Variants in THSD4 observed in about 807,000 individuals in gnomAD.
The protein encoded by THSD4 is thrombospondin type-1 domain-containing protein 4.
In THSD4, 69 loss-of-function variants were observed where a neutral mutation model predicts 119.0. The ratio of observed to expected loss-of-function variants is 0.58; its 90% CI spans 0.48 to 0.71. The LOEUF (loss-of-function observed/expected upper bound fraction) is 0.71. Among genes scored for constraint, THSD4 ranks in the 30% least tolerant of loss-of-function variants. The pLI, the probability that THSD4 is intolerant of heterozygous loss-of-function variation, is 0.00. For synonymous variants in THSD4, 524 were observed against 540.4 expected, an observed-to-expected ratio of 0.97 and a Z score of 0.42; for missense variants, 1,393 against 1,391.1, an observed-to-expected ratio of 1.00 and a Z score of -0.02.
At chr15:71,751,398 A>G (rs2053446328) in intron 14 of THSD4, among the ~76,000 whole-genome samples, 1 of 152,180 alleles carries the variant, frequency 6.6e-6, no homozygotes, top group Non-Finnish European at 1.5e-5. Flanking sequence ...CTTCACCAAA[A>G]GAAAATTTGA....
intron 8 of THSD4, among the ~76,000 whole-genome samples, chr15:71,675,363 T>G (rs1223796946): frequency 6.6e-6 from 1 of 152,244 alleles, no homozygotes; most frequent in Non-Finnish European, 1.5e-5. Context: ...TATTTTACTG[T>G]AGTTTATCTG....
chr15:71,509,704 A>G (rs1378335400), intron 7 of THSD4, among the ~76,000 whole-genome samples: 2 of 152,200 alleles, frequency 1.3e-5, no homozygotes, highest in Admixed American at 1.3e-4. Context: ...ACCATTTGAT[A>G]TGAAATTAAT....
At chr15:71,463,047 G>A (rs895827014) in intron 7 of THSD4, among the ~76,000 whole-genome samples, 3 of 152,224 alleles carry the variant, frequency 2.0e-5, no homozygotes, top group African/African-American at 7.2e-5. Flanking sequence ...TATCAGTTTT[G>A]TTGAAGGGAA....
intron 7 of THSD4, among the ~76,000 whole-genome samples, chr15:71,541,529 A>G (rs2048759646): frequency 6.6e-6 from 1 of 152,248 alleles, no homozygotes; most frequent in African/African-American, 2.4e-5. Flanking sequence ...ATAAACATGC[A>G]TATGCAAATA....
chr15:71,767,630 A>G (rs2053736761), intron 16 of THSD4: 1 of 152,232 alleles, frequency 6.6e-6, no homozygotes, highest in African/African-American at 2.4e-5. Context: ...TAAGTCCGCA[A>G]TAAAAAGCCT....
chr15:71,171,122 A>C (rs2043357532), intron 3 of THSD4, among the ~76,000 whole-genome samples: 1 of 152,186 alleles, frequency 6.6e-6, no homozygotes, highest in African/African-American at 2.4e-5. Flanking sequence ...GACAGAAAAA[A>C]TATTTGAAGA....
intron 6 of THSD4, among the ~76,000 whole-genome samples, chr15:71,401,362 T>G (rs575119057): frequency 1.3e-5 from 2 of 152,316 alleles, no homozygotes; most frequent in East Asian, 3.9e-4. Context: ...GAATTGTTAG[T>G]GTTATTTTCT....
At chr15:71,277,752 C>T (rs1473603861) in intron 6 of THSD4, among the ~76,000 whole-genome samples, 1 of 152,156 alleles carries the variant, frequency 6.6e-6, no homozygotes, top group African/African-American at 2.4e-5. Context: ...TATTCTGTGA[C>T]TGTCACTGCT....
chr15:71,521,471 T>G (rs879548892), intron 7 of THSD4, among the ~76,000 whole-genome samples: 1 of 152,202 alleles, frequency 6.6e-6, no homozygotes, highest in Non-Finnish European at 1.5e-5. Context: ...AAAACATGGG[T>G]GGATGATCGG....
At chr15:71,482,483 T>G (rs1334296693) in intron 7 of THSD4, among the ~76,000 whole-genome samples, 3 of 151,686 alleles carry the variant, frequency 2.0e-5, no homozygotes, top group African/African-American at 7.3e-5. Context: ...GTAGAGATGG[T>G]GTTTCACTGT....
At chr15:71,704,090 C>T (rs1002552759) in intron 8 of THSD4, among the ~76,000 whole-genome samples, 8 of 152,114 alleles carry the variant, frequency 5.3e-5, no homozygotes, top group African/African-American at 9.7e-5. Context: ...CCTCGTGATC[C>T]GCCCACCTTG....
At chr15:71,235,931 A>G (rs1467672238) in intron 4 of THSD4, among the ~76,000 whole-genome samples, 1 of 152,092 alleles carries the variant, frequency 6.6e-6, no homozygotes, top group Non-Finnish European at 1.5e-5. Flanking sequence ...CAGGACCTTC[A>G]AGGTTAAGCA....
At chr15:71,255,096 T>C (rs1482691055) in intron 5 of THSD4, among the ~76,000 whole-genome samples, 3 of 152,190 alleles carry the variant, frequency 2.0e-5, no homozygotes, top group African/African-American at 4.8e-5. Flanking sequence ...ATATTTCTGA[T>C]ACATACAGTA....
At chr15:71,423,046 T>C (rs1052119296) in intron 7 of THSD4, among the ~76,000 whole-genome samples, 5 of 152,144 alleles carry the variant, frequency 3.3e-5, no homozygotes, top group African/African-American at 1.2e-4. Context: ...AGTCAGCTTG[T>C]GGTGAATGCT....
At chr15:71,139,552 T>C (rs539704631) in intron 1 of THSD4, among the ~76,000 whole-genome samples, 2 of 152,276 alleles carry the variant, frequency 1.3e-5, no homozygotes, top group East Asian at 1.9e-4. Context: ...AATTTAAGGG[T>C]CTTCAATACC....
At chr15:71,525,231 A>G (rs754547526) in intron 7 of THSD4, among the ~76,000 whole-genome samples, 1 of 152,184 alleles carries the variant, frequency 6.6e-6, no homozygotes, top group Non-Finnish European at 1.5e-5. Context: ...TCAATCATCT[A>G]ATTGTACAGA....
chr15:71,100,365 A>G (rs1445185998), intron 1 of THSD4, among the ~76,000 whole-genome samples: 1 of 152,200 alleles, frequency 6.6e-6, no homozygotes, highest in Non-Finnish European at 1.5e-5. Context: ...GGGGAGGCTC[A>G]CATGGCAAGA....
chr15:71,710,071 A>T (rs2052477993), intron 8 of THSD4, among the ~76,000 whole-genome samples: 2 of 152,216 alleles, frequency 1.3e-5, no homozygotes, highest in African/African-American at 2.4e-5. Flanking sequence ...GTAGACTAAG[A>T]TAGATAAACT....
intron 6 of THSD4, among the ~76,000 whole-genome samples, chr15:71,315,181 C>CT (rs1179828848): frequency 3.9e-5 from 6 of 152,228 alleles, no homozygotes; most frequent in Non-Finnish European, 8.8e-5. Context: ...ATGGCCTGGG[C>CT]TGCCTGCCTT....
Sources: gnomAD v4.1 joint callset for allele counts (sites outside exome capture counted in the v4.1 genomes callset) on GRCh38, gnomAD v4.1.1 for gene constraint, MANE v1.5 for transcripts, NCBI Gene and HGNC (gene_info 2026-07-23, HGNC 2026-07-21) for gene names.